ADAMTSL1: variants seen among roughly 807,000 people sequenced by gnomAD.
ADAMTSL1 encodes the protein ADAMTS like 1.
ADAMTSL1 carries 126 observed loss-of-function variants against 201.8 expected under a neutral mutation model. The ratio of observed to expected loss-of-function variants is 0.62; its 90% CI spans 0.54 to 0.72. The LOEUF is 0.72. Ranked by LOEUF, ADAMTSL1 falls within the 30% of genes least tolerant of loss-of-function variation. ADAMTSL1 has a pLI of 0.00. For synonymous variants in ADAMTSL1, 1,121 were observed against 903.4 expected (o/e 1.24, Z -4.32); for missense variants, 2,679 against 2,277.8 (o/e 1.18, Z -3.59).
At chr9:18,104,685 C>T (rs935978766) in intron 1 of ADAMTSL1, among the ~76,000 whole-genome samples, 5 of 152,184 alleles carry the variant, frequency 3.3e-5, no homozygotes, top group Non-Finnish European at 5.9e-5. Flanking sequence ...CCAGACTTCA[C>T]CACTATGCAG....
chr9:18,525,044 G>A (rs949703076), intron 2 of ADAMTSL1, among the ~76,000 whole-genome samples: 3 of 152,170 alleles, frequency 2.0e-5, no homozygotes, highest in African/African-American at 7.2e-5. Flanking sequence ...ACATCCAGTA[G>A]AATTCGGCTG....
rs375560612 is a variant in ADAMTSL1 at position 18,065,797 on chromosome 9, A to G, written c.88-98065A>G. Reference sequence around the variant, plus strand: ...GGAGTTCGAGACCAGCCTGGCCAACATGGCAAAACCCTGTCTCTATTAAAA... The same window carrying G: ...GGAGTTCGAGACCAGCCTGGCCAACGTGGCAAAACCCTGTCTCTATTAAAA... On this transcript the variant is annotated intron_variant, in intron 1 of 29. Transcript: ENST00000680146. Among the ~76,000 whole-genome samples, 241 of 152,160 alleles carry G rather than the reference A, an allele frequency of 1.6e-3. 7 individuals carry two copies. The South Asian group carries it at 0.049, about 31-fold the overall frequency.
chr9:18,515,426 C>T (rs1249031566), intron 2 of ADAMTSL1, among the ~76,000 whole-genome samples: 1 of 152,126 alleles, frequency 6.6e-6, no homozygotes, highest in Non-Finnish European at 1.5e-5. Flanking sequence ...CCTTTGCCTC[C>T]CAGTTTCAAA....
At chr9:18,141,239 G>C (rs1286839257) in intron 1 of ADAMTSL1, among the ~76,000 whole-genome samples, 1 of 152,180 alleles carries the variant, frequency 6.6e-6, no homozygotes, top group Non-Finnish European at 1.5e-5. Context: ...TCAGTGAGAA[G>C]GGGAGGAGAG....
At chr9:18,679,217 T>C (rs1587874205) in intron 10 of ADAMTSL1, among the ~76,000 whole-genome samples, 1 of 152,296 alleles carries the variant, frequency 6.6e-6, no homozygotes, top group Admixed American at 6.5e-5. Context: ...TGTGCAACAT[T>C]TTAAAATTTT....
chr9:18,043,219 T>C (rs1235102340), intron 1 of ADAMTSL1, among the ~76,000 whole-genome samples: 1 of 152,068 alleles, frequency 6.6e-6, no homozygotes, highest in Non-Finnish European at 1.5e-5. Context: ...CTGTGTGTGT[T>C]TTTTGGAGCT....
chr9:18,450,236 A>C lies in ADAMTSL1; in HGVS notation c.208-54593A>C, dbSNP rs576172464. 7.2e-5 allele frequency among the ~76,000 whole-genome samples: 11 copies of C among 152,288 alleles called. No individual in the cohort carries two copies. The South Asian group carries it at 2.1e-3, about 29-fold the overall frequency. On this transcript the variant is annotated intron_variant, in intron 2 of 29. Coordinates refer to the ADAMTSL1 transcript ENST00000680146. The stretch of plus-strand genomic sequence containing the variant: ...CTACAACAAGACACAAGGGAATTTC[A>C]TGGAGCGATGGAAATATTCTATATC...
At chr9:18,222,411 C>G (rs1014288693) in intron 2 of ADAMTSL1, among the ~76,000 whole-genome samples, 5 of 151,492 alleles carry the variant, frequency 3.3e-5, no homozygotes, top group African/African-American at 1.2e-4. Context: ...TTGTACTTAT[C>G]TTGGCAATTG....
intron 15 of ADAMTSL1, among the ~76,000 whole-genome samples, chr9:18,725,953 A>C (rs1407586521): frequency 6.6e-6 from 1 of 152,204 alleles, no homozygotes; most frequent in African/African-American, 2.4e-5. Context: ...TGAGACACCA[A>C]AATAAAAGAA....
chr9:18,011,915 G>A (rs143317488), intron 1 of ADAMTSL1, among the ~76,000 whole-genome samples: 6 of 152,108 alleles, frequency 3.9e-5, no homozygotes, highest in Admixed American at 2.6e-4. Context: ...GAGAGTTGCC[G>A]GTATGGAGCT....
At chr9:18,359,882 C>T (rs1024740082) in intron 2 of ADAMTSL1, among the ~76,000 whole-genome samples, 2 of 126,132 alleles carry the variant, frequency 1.6e-5, no homozygotes, top group Non-Finnish European at 3.2e-5. Flanking sequence ...ATACCTTGGA[C>T]TCAAGTCTTG....
chr9:18,552,895 TTCTTTA>T (rs1273829434), intron 3 of ADAMTSL1, among the ~76,000 whole-genome samples: 17 of 151,610 alleles, frequency 1.1e-4, no homozygotes, highest in Non-Finnish European at 5.9e-5. Flanking sequence ...CTTTCCACCT[TTCTTTA>T]TCTTTATGGA....
chr9:18,356,066 T>C (rs1836208648), intron 2 of ADAMTSL1, among the ~76,000 whole-genome samples: 1 of 152,318 alleles, frequency 6.6e-6, no homozygotes, highest in Admixed American at 6.5e-5. Context: ...AGAATGAAGA[T>C]GCACTGACAA....
intron 1 of ADAMTSL1, among the ~76,000 whole-genome samples, chr9:18,495,568 C>T (rs928913347): frequency 1.3e-4 from 20 of 152,146 alleles, no homozygotes; most frequent in African/African-American, 4.8e-4. Context: ...CCCAAAACTG[C>T]AAAATTTGCC....
intron 19 of ADAMTSL1, among the ~76,000 whole-genome samples, chr9:18,790,000 C>G (rs1263065705): frequency 6.6e-6 from 1 of 152,052 alleles, no homozygotes; most frequent in Non-Finnish European, 1.5e-5. Context: ...ATAACATATC[C>G]CAGGTAGTAG....
chr9:17,929,499 G>T (rs1588432230), intron 1 of ADAMTSL1, among the ~76,000 whole-genome samples: 3 of 152,030 alleles, frequency 2.0e-5, no homozygotes, highest in Non-Finnish European at 4.4e-5. Context: ...TCCAGCCCCT[G>T]CCTAGCTCCC....
At chr9:18,277,720 C>A (rs1043681789) in intron 2 of ADAMTSL1, among the ~76,000 whole-genome samples, 9 of 152,220 alleles carry the variant, frequency 5.9e-5, no homozygotes, top group African/African-American at 2.2e-4. Flanking sequence ...TTTTTCAGTC[C>A]TTTCAGTCAT....
chr9:18,354,883 A>G (rs1836141848), intron 2 of ADAMTSL1, among the ~76,000 whole-genome samples: 1 of 152,150 alleles, frequency 6.6e-6, no homozygotes, highest in Admixed American at 6.6e-5. Flanking sequence ...AGGCAGGATA[A>G]TTGCTTGGAC....
chr9:17,926,531 A>C (rs1826540458), intron 1 of ADAMTSL1, among the ~76,000 whole-genome samples: 2 of 152,192 alleles, frequency 1.3e-5, no homozygotes, highest in African/African-American at 4.8e-5. Context: ...TGCTGCTCTA[A>C]ATAAATACTT....
Sources: allele counts gnomAD v4.1 joint callset (sites outside exome capture counted in the v4.1 genomes callset), GRCh38; gene constraint gnomAD v4.1.1; transcripts MANE v1.5; gene names NCBI Gene and HGNC (gene_info 2026-07-23, HGNC 2026-07-21).